EDEM3: variants seen among roughly 807,000 people sequenced by gnomAD.
The protein encoded by EDEM3 is ER degradation enhancing alpha-mannosidase like protein 3.
A neutral mutation model predicts 110.2 loss-of-function variants in EDEM3; 60 were observed. That is an observed-to-expected ratio of 0.54 (90% CI 0.44 to 0.67). The LOEUF is 0.67. Ranked by LOEUF, EDEM3 falls within the 30% of genes least tolerant of loss-of-function variation. The pLI is 0.00. For synonymous variants in EDEM3, 352 were observed against 382.9 expected, an observed-to-expected ratio of 0.92 and a Z score of 0.94; for missense variants, 996 against 1,121.0, an observed-to-expected ratio of 0.89 and a Z score of 1.59.
chr1:184,701,150 T>C (rs1484092808), intron 19 of EDEM3, among the ~76,000 whole-genome samples: 1 of 152,006 alleles, frequency 6.6e-6, no homozygotes, highest in South Asian at 2.1e-4. Flanking sequence ...CCATGTACCA[T>C]ACACACACAT....
rs751573986 is a variant in EDEM3, at chr1:184,706,652, T to C, written c.2194A>G (p.Ile732Val). 6.2e-7 allele frequency: 1 copy of C among 1,611,088 alleles called. No individual in the cohort carries two copies. The highest frequency in any genetic ancestry group is 1.1e-5 in the South Asian group (1 of 90,718). ...NIQNAGAIGG[I>V]VIDDNEGSSS... ...ATGGATGATTACTTACCAATAACAA[T>C]GCCACCAATGGCTCCAGCATTCTGG... Residue 732 changes from isoleucine to valine, a missense_variant, in exon 18 of 20, where the codon ATT becomes GTT. Transcript: ENST00000318130.
At chr1:184,741,583 T>G (rs191527523) in intron 2 of EDEM3, among the ~76,000 whole-genome samples, 1 of 152,164 alleles carries the variant, frequency 6.6e-6, no homozygotes, top group Admixed American at 6.5e-5. Flanking sequence ...GTTTATAACA[T>G]CTACATTCTG....
At chr1:184,711,617 G>A (rs917825556) in intron 15 of EDEM3, 106 bp downstream of exon 15, 17 of 934,068 alleles carry the variant, frequency 1.8e-5, no homozygotes, top group Non-Finnish European at 1.9e-5. Flanking sequence ...CAACATTTTC[G>A]GCCTATGTGA....
intron 7 of EDEM3, 91 bp from the exon 8 acceptor site, chr1:184,723,947 A>C: frequency 3.4e-6 from 3 of 880,080 alleles, no homozygotes; most frequent in Non-Finnish European, 5.1e-6. Context: ...ACAAAACTCA[A>C]AGGCCGATAG....
Position 184,694,021 on chromosome 1 carries a change from A to C in EDEM3, c.*42T>G, listed in dbSNP as rs763271830. 4.3e-5 allele frequency: 68 copies of C among 1,573,550 alleles called. No homozygotes were observed. The highest frequency in any genetic ancestry group is 5.6e-5 in the Non-Finnish European group (65 of 1,160,262). On this transcript the variant is annotated 3_prime_UTR_variant, in exon 20 of 20. Transcript: ENST00000318130. ...GATGTCTATTAACCACACACAGTTT[A>C]CCTTTTCTTTTTAAATACCTACCAA...
chr1:184,750,528 T>TTTTTTTA (rs1352357797), intron 1 of EDEM3, among the ~76,000 whole-genome samples: 1 of 151,780 alleles, frequency 6.6e-6, no homozygotes. Context: ...CTTTTTTTTT[T>TTTTTTTA]GAGACAGGGT....
At chr1:184,735,554 GATA>G (rs1211918432) in intron 4 of EDEM3, among the ~76,000 whole-genome samples, 1 of 152,116 alleles carries the variant, frequency 6.6e-6, no homozygotes, top group African/African-American at 2.4e-5. Flanking sequence ...CTCCTTGTTT[GATA>G]ATAATTTGTT....
At chr1:184,745,437 G>A (rs997027345) in intron 2 of EDEM3, among the ~76,000 whole-genome samples, 2 of 152,032 alleles carry the variant, frequency 1.3e-5, no homozygotes, top group African/African-American at 2.4e-5. Flanking sequence ...GAGAAACACC[G>A]AGTACAGAGT....
chr1:184,754,390 C>A, intron 1 of EDEM3, 99 bp downstream of exon 1: 1 of 1,556,892 alleles, frequency 6.4e-7, no homozygotes, highest in South Asian at 1.2e-5. Context: ...GTTCCAATCG[C>A]GACAGGAGAG....
intron 5 of EDEM3, among the ~76,000 whole-genome samples, chr1:184,733,494 A>C (rs1386020723): frequency 6.6e-6 from 1 of 152,236 alleles, no homozygotes; most frequent in African/African-American, 2.4e-5. Context: ...AAAATTAAAT[A>C]ATATTGAAAC....
At chr1:184,725,215 T>A (rs1651124180) in intron 7 of EDEM3, among the ~76,000 whole-genome samples, 1 of 152,116 alleles carries the variant, frequency 6.6e-6, no homozygotes, top group African/African-American at 2.4e-5. Flanking sequence ...GATTTATTAA[T>A]AAACACAAAA....
intron 2 of EDEM3, 85 bp downstream of exon 2, chr1:184,749,462 T>C: frequency 1.9e-6 from 2 of 1,046,966 alleles, no homozygotes; most frequent in Non-Finnish European, 2.8e-6. Context: ...GTAATTGTAT[T>C]GTAGGTTTCA....
chr1:184,754,349 A>T (rs1432644616), intron 1 of EDEM3, 140 bp downstream of exon 1: 3 of 1,348,864 alleles, frequency 2.2e-6, no homozygotes, highest in Non-Finnish European at 3.0e-6. Flanking sequence ...GACCCTGTCC[A>T]CCCCTCTAGG....
chr1:184,707,742 A>G (rs1342806326), intron 17 of EDEM3, among the ~76,000 whole-genome samples: 2 of 152,110 alleles, frequency 1.3e-5, no homozygotes, highest in African/African-American at 2.4e-5. Context: ...GCCCAGTGGA[A>G]CCTCAGGGTC....
chr1:184,720,509 C>CTTTTTTTTTTTTTTTTTTTTTTTTTTTTT (rs34268021), intron 9 of EDEM3: 7 of 127,456 alleles, frequency 5.5e-5, no homozygotes, highest in African/African-American at 1.6e-4. Context: ...ATCTCCCATA[C>CTTTTTTTTTTTTTTTTTTTTTTTTTTTTT]TTTTTTTTTT....
At chr1:184,737,536 A>T (rs1651899069) in intron 3 of EDEM3, 75 bp downstream of exon 3, 3 of 1,359,776 alleles carry the variant, frequency 2.2e-6, no homozygotes, top group Non-Finnish European at 3.1e-6. Context: ...AAATATTATT[A>T]TATGTAAACT....
At chr1:184,701,687 G>GAAAAAAAA in intron 19 of EDEM3, 1 of 413,798 alleles carries the variant, frequency 2.4e-6, no homozygotes, top group African/African-American at 2.1e-5. Context: ...AAGGGCCCAG[G>GAAAAAAAA]AAAAAAAAAT....
intron 19 of EDEM3, among the ~76,000 whole-genome samples, chr1:184,694,932 C>T (rs1259291305): frequency 2.6e-5 from 4 of 152,080 alleles, no homozygotes; most frequent in South Asian, 2.1e-4. Context: ...GAAATTCCTA[C>T]TCAGTAAGTC....
At chr1:184,741,970 T>C (rs1652168216) in intron 2 of EDEM3, among the ~76,000 whole-genome samples, 1 of 152,188 alleles carries the variant, frequency 6.6e-6, no homozygotes, top group South Asian at 2.1e-4. Context: ...ATATGACTTG[T>C]TTTTATTATG....
Sources: gnomAD v4.1 joint callset for allele counts (sites outside exome capture counted in the v4.1 genomes callset) on GRCh38, gnomAD v4.1.1 for gene constraint, MANE v1.5 for transcripts, NCBI Gene and HGNC (gene_info 2026-07-23, HGNC 2026-07-21) for gene names.